The following CNTNAP2 variants were observed in gnomAD, a reference collection of about 807,000 sequenced individuals.
The protein encoded by CNTNAP2 is contactin-associated protein-like 2.
Under a neutral mutation model 155.2 loss-of-function variants are expected in CNTNAP2, and 98 were observed. The ratio of observed to expected loss-of-function variants is 0.63; its 90% confidence interval spans 0.54 to 0.75. The LOEUF (loss-of-function observed/expected upper bound fraction) is 0.75. Among genes scored for constraint, CNTNAP2 ranks in the 30% least tolerant of loss-of-function variants. CNTNAP2 has a pLI of 0.00. For missense variants in CNTNAP2, 1,727 were observed against 1,688.1 expected, an observed-to-expected ratio of 1.02 and a Z score of -0.40; for synonymous variants, 651 against 631.2, an observed-to-expected ratio of 1.03 and a Z score of -0.47.
At chr7:147,095,980 C>G (rs1418711744) in intron 4 of CNTNAP2, among the ~76,000 whole-genome samples, 1 of 152,100 alleles carries the variant, frequency 6.6e-6, no homozygotes. Flanking sequence ...GTAAATGCAC[C>G]TTTTTCTTTT....
intron 21 of CNTNAP2, among the ~76,000 whole-genome samples, chr7:148,316,813 G>A (rs1019265044): frequency 2.6e-5 from 4 of 152,174 alleles, no homozygotes; most frequent in African/African-American, 9.7e-5. Flanking sequence ...TCTCTCTGGA[G>A]GCACCAGTGT....
At chr7:147,651,683 A>G (rs1405917800) in intron 13 of CNTNAP2, among the ~76,000 whole-genome samples, 1 of 152,196 alleles carries the variant, frequency 6.6e-6, no homozygotes, top group Non-Finnish European at 1.5e-5. Flanking sequence ...CAAAGTTAGA[A>G]CAATGGCAAT....
chr7:146,513,372 G>A (rs941572689), intron 1 of CNTNAP2, among the ~76,000 whole-genome samples: 2 of 151,544 alleles, frequency 1.3e-5, no homozygotes, highest in Non-Finnish European at 3.0e-5. Context: ...ACTCCTCTTG[G>A]CATTTCTTCC....
chr7:147,617,986 C>T (rs1486408950), intron 12 of CNTNAP2, among the ~76,000 whole-genome samples: 4 of 152,158 alleles, frequency 2.6e-5, no homozygotes. Flanking sequence ...TCCTAGCTCA[C>T]ATCTTTCTTA....
chr7:148,275,673 G>C (rs538109127), intron 21 of CNTNAP2, among the ~76,000 whole-genome samples: 12 of 152,352 alleles, frequency 7.9e-5, no homozygotes, highest in South Asian at 2.1e-4. Flanking sequence ...GCCAGGGGCT[G>C]AGTTCTCCCC....
intron 1 of CNTNAP2, among the ~76,000 whole-genome samples, chr7:146,658,750 G>T (rs1800035533): frequency 6.6e-6 from 1 of 152,168 alleles, no homozygotes; most frequent in Non-Finnish European, 1.5e-5. Flanking sequence ...AGGTAAGTGT[G>T]TGGACACAGA....
chr7:146,747,541 A>G (rs1057234351), intron 1 of CNTNAP2, among the ~76,000 whole-genome samples: 1 of 152,190 alleles, frequency 6.6e-6, no homozygotes, highest in Non-Finnish European at 1.5e-5. Flanking sequence ...CTTAATCATC[A>G]TCATACAATT....
At chr7:146,501,846 T>G (rs1797304730) in intron 1 of CNTNAP2, among the ~76,000 whole-genome samples, 1 of 152,056 alleles carries the variant, frequency 6.6e-6, no homozygotes, top group East Asian at 1.9e-4. Flanking sequence ...AAGAGAAGAC[T>G]TAGACAAGGG....
At chr7:147,952,187 A>G (rs1447037777) in intron 14 of CNTNAP2, among the ~76,000 whole-genome samples, 12 of 140,650 alleles carry the variant, frequency 8.5e-5, no homozygotes, top group Admixed American at 5.9e-4. Context: ...CCACACCTGT[A>G]ATCCCAGCAC....
chr7:147,903,217 T>C (rs577682273), intron 13 of CNTNAP2, among the ~76,000 whole-genome samples: 2 of 152,352 alleles, frequency 1.3e-5, no homozygotes, highest in Non-Finnish European at 2.9e-5. Context: ...TGCATTTCCC[T>C]GATCATTAGG....
At chr7:147,134,216 A>T (rs375117235) in intron 8 of CNTNAP2, among the ~76,000 whole-genome samples, 3 of 152,002 alleles carry the variant, frequency 2.0e-5, no homozygotes, top group Admixed American at 1.3e-4. Context: ...GTCAATAAAC[A>T]TGTATTAATT....
chr7:146,447,924 T>A (rs187774565), intron 1 of CNTNAP2, among the ~76,000 whole-genome samples: 1 of 151,938 alleles, frequency 6.6e-6, no homozygotes, highest in Admixed American at 6.6e-5. Context: ...ATACGCACAT[T>A]TGAAAAAATG....
intron 8 of CNTNAP2, among the ~76,000 whole-genome samples, chr7:147,200,911 A>C (rs149737440): frequency 6.6e-6 from 1 of 152,212 alleles, no homozygotes; most frequent in African/African-American, 2.4e-5. Flanking sequence ...AAGCTCAAAA[A>C]ATGCATGGTT....
At chr7:146,668,811 C>G (rs1800245418) in intron 1 of CNTNAP2, among the ~76,000 whole-genome samples, 1 of 152,014 alleles carries the variant, frequency 6.6e-6, no homozygotes, top group Admixed American at 6.6e-5. Flanking sequence ...ATAGTAGTCT[C>G]TAGTGATCCT....
chr7:146,875,925 CAT>C (rs1430114080), intron 3 of CNTNAP2, among the ~76,000 whole-genome samples: 5 of 89,860 alleles, frequency 5.6e-5, no homozygotes, highest in African/African-American at 2.3e-4. Flanking sequence ...CACACACACA[CAT>C]ACACAGCAAA....
chr7:148,125,693 A>G (rs561624117), intron 16 of CNTNAP2, among the ~76,000 whole-genome samples: 5,537 of 142,418 alleles, frequency 0.039, 369 homozygotes, highest in African/African-American at 0.14. Flanking sequence ...GTGTGTGTAT[A>G]TATATATAGT....
chr7:146,247,481 G>A (rs751565878), intron 1 of CNTNAP2, among the ~76,000 whole-genome samples: 11 of 152,126 alleles, frequency 7.2e-5, no homozygotes, highest in East Asian at 3.9e-4. Flanking sequence ...ACTCAGCGAA[G>A]CTTGGGGTTG....
intron 9 of CNTNAP2, among the ~76,000 whole-genome samples, chr7:147,332,427 A>G (rs752802753): frequency 1.4e-4 from 21 of 152,198 alleles, no homozygotes; most frequent in South Asian, 4.1e-4. Context: ...CATTTCTAAA[A>G]ATGCGGATAT....
chr7:147,002,356 C>G (rs556574768), intron 3 of CNTNAP2, among the ~76,000 whole-genome samples: 1 of 151,894 alleles, frequency 6.6e-6, no homozygotes, highest in African/African-American at 2.4e-5. Context: ...TACAAAGGAT[C>G]GAAACTCAAA....
Sources: gnomAD v4.1 joint callset for allele counts (sites outside exome capture counted in the v4.1 genomes callset) on GRCh38, gnomAD v4.1.1 for gene constraint, MANE v1.5 for transcripts, NCBI Gene and HGNC (gene_info 2026-07-23, HGNC 2026-07-21) for gene names.